The following THOC1 variants were observed in gnomAD, a reference collection of about 807,000 sequenced individuals.
THOC1 encodes THO complex 1.
THOC1 carries 29 observed loss-of-function variants against 97.3 expected under a neutral mutation model. That is an observed-to-expected ratio of 0.30 (90% CI 0.22 to 0.41). The LOEUF is 0.41. Ranked by LOEUF, THOC1 falls within the 10% of genes least tolerant of loss-of-function variation. The probability of loss-of-function intolerance (pLI) is 1.00; values close to 1 mark genes in which losing one functional copy is unlikely to be tolerated. For synonymous variants in THOC1, 255 were observed against 257.0 expected (o/e 0.99, Z 0.07); for missense variants, 529 against 761.9 (o/e 0.69, Z 3.60).
chr18:233,561 GCAA>G (rs1210231693), intron 11 of THOC1, among the ~76,000 whole-genome samples: 1 of 152,230 alleles, frequency 6.6e-6, no homozygotes, highest in Non-Finnish European at 1.5e-5. Context: ...ACTCGCCTGG[GCAA>G]CAAGAGTGAA....
At position 242,138 on chromosome 18, in the gene THOC1, C is replaced by T. The variant is rs770831215; in HGVS notation, c.918+4186G>A. Among the ~76,000 whole-genome samples the T allele has an allele frequency of 1.4e-4, 21 of 152,170 alleles. No homozygotes were observed. Among genetic ancestry groups the T allele is most frequent in the Non-Finnish European group, 2.9e-4 (20 of 68,036 alleles). On this transcript the variant is annotated intron_variant, in intron 11 of 20. Coordinates refer to ENST00000261600, the MANE Select transcript of THOC1 (RefSeq NM_005131.3). This position sits in a 1 kb window ranked among gnomAD's most constrained non-coding sequence, Gnocchi z 4.5. ...ACCCATTTTATTTGTAGAACCTCTA[C>T]CTACCTGTAGTTGCCACATGACTGG...
chr18:268,009 G>T lies in THOC1; in HGVS notation c.11C>A (p.Thr4Lys), dbSNP rs1228949025. 1 of 1,607,012 alleles carries T rather than the reference G, an allele frequency of 6.2e-7. No individual in the cohort carries two copies. Among genetic ancestry groups the T allele is most frequent in the South Asian group, 1.1e-5 (1 of 90,016 alleles). Residue 4 changes from threonine to lysine, a missense_variant, in exon 1 of 21, where the codon ACG (threonine) becomes AAG (lysine). Around this residue, in one of 8 missense-constraint regions of THOC1, gnomAD observed 114 missense variants for 97.4 expected, o/e 1.17. Transcript: ENST00000261600. MSP[T>K]PPLFSLPEAR... is the part of the protein sequence containing the mutation. ...TTCGGGCAAACTGAAGAGCGGCGGC[G>T]TCGGAGACATCTTCTCGGCTGCGCG... is the stretch of plus-strand genomic sequence containing the variant.
At chr18:250,194 G>A (rs963177011) in intron 9 of THOC1, among the ~76,000 whole-genome samples, 3 of 152,104 alleles carry the variant, frequency 2.0e-5, no homozygotes, top group African/African-American at 7.2e-5. Flanking sequence ...TTACAGTTGA[G>A]GCATTAATAT....
chr18:246,233 C>A, intron 11 of THOC1, 91 bp downstream of exon 11: 1 of 1,012,076 alleles, frequency 9.9e-7, no homozygotes. Flanking sequence ...AGAAACATTT[C>A]TATTCAGTTT....
At chr18:238,135 G>C (rs1911774629) in intron 11 of THOC1, among the ~76,000 whole-genome samples, 1 of 152,006 alleles carries the variant, frequency 6.6e-6, no homozygotes, top group Non-Finnish European at 1.5e-5. Context: ...CAAGGTGCTG[G>C]GATTACAGGT....
At chr18:214,942 AAATTATGCGC>A in intron 20 of THOC1, 21 bp from the exon 21 acceptor site, 1 of 1,610,020 alleles carries the variant, frequency 6.2e-7, no homozygotes, top group Non-Finnish European at 8.5e-7. Flanking sequence ...AAGAGAATAT[AAATTATGCGC>A]AATTCTAAGT....
chr18:234,675 C>T (rs1911610791), intron 11 of THOC1, among the ~76,000 whole-genome samples: 1 of 152,202 alleles, frequency 6.6e-6, no homozygotes, highest in Non-Finnish European at 1.5e-5. Context: ...AGCCAATACG[C>T]CCAGCCAATC....
rs747105570 is a variant in THOC1 at position 254,325 on chromosome 18, T to C, written c.551A>G (p.Glu184Gly). 1 of 1,579,486 alleles carries C rather than the reference T, an allele frequency of 6.3e-7. No homozygotes were observed. Among genetic ancestry groups the C allele is most frequent in the East Asian group, 2.3e-5 (1 of 43,674 alleles). The stretch of plus-strand genomic sequence containing the variant: ...ATTTGTATTGAAAACAGTGACATTT[T>C]CCAGATTAAACTGACTCTGCAAGTT... Reference protein sequence around the residue: ...GLNLQSQFNLENVTVFNTNEQ... With the variant: ...GLNLQSQFNLGNVTVFNTNEQ... The change falls in exon 8 of 21, where the codon GAA (glutamate) becomes GGA (glycine). Residue 184 changes from glutamate to glycine, a missense_variant. Transcript: ENST00000261600. The surrounding 1 kb of genome is among the most constrained non-coding windows in gnomAD (Gnocchi z 4.1).
At chr18:256,105 C>T (rs1016673133) in intron 7 of THOC1, among the ~76,000 whole-genome samples, 1 of 152,214 alleles carries the variant, frequency 6.6e-6, no homozygotes, top group African/African-American at 2.4e-5. Flanking sequence ...TTCATGCCTG[C>T]TAATACATCA....
At chr18:237,289 T>G (rs1342738970) in intron 11 of THOC1, among the ~76,000 whole-genome samples, 1 of 151,836 alleles carries the variant, frequency 6.6e-6, no homozygotes, top group Non-Finnish European at 1.5e-5. Flanking sequence ...CCTGAGCAGC[T>G]GGGACTACAG....
intron 11 of THOC1, among the ~76,000 whole-genome samples, chr18:238,609 T>C (rs1275168460): frequency 6.6e-6 from 1 of 152,224 alleles, no homozygotes; most frequent in Non-Finnish European, 1.5e-5. Flanking sequence ...TAAGGATTTG[T>C]GTATCTAAAC....
intron 9 of THOC1, among the ~76,000 whole-genome samples, chr18:248,448 C>T (rs1053821175): frequency 2.0e-5 from 3 of 152,164 alleles, no homozygotes; most frequent in African/African-American, 4.8e-5. Flanking sequence ...GCAATCTCAC[C>T]GAGCAGTGCT....
intron 17 of THOC1, among the ~76,000 whole-genome samples, chr18:219,534 C>T (rs1469878205): frequency 6.6e-6 from 1 of 152,108 alleles, no homozygotes; most frequent in Non-Finnish European, 1.5e-5. Context: ...ATTCTAATGG[C>T]CCCATACTTT....
At chr18:245,249 A>G (rs561604142) in intron 11 of THOC1, 5 of 152,254 alleles carry the variant, frequency 3.3e-5, no homozygotes, top group African/African-American at 1.2e-4. Context: ...ATTTTAATTT[A>G]TCAGAGTTTT....
At position 248,025 on chromosome 18, in the gene THOC1, C is replaced by G. The variant is rs1010563394; in HGVS notation, c.678-68G>C. 3.2e-5 allele frequency: 35 copies of G among 1,085,866 alleles called. 1 individual carries two copies. Among genetic ancestry groups the G allele is most frequent in the Middle Eastern group, 6.1e-4 (2 of 3,280 alleles). The allele number at this position is 1,085,866 out of a possible 1,614,324, so 67.3% of individuals were successfully genotyped here. A position where few individuals can be genotyped will look rare whatever the true frequency, so the allele number is the denominator to read the frequency against. On this transcript the variant is annotated intron_variant, in intron 9 of 20. Transcript: ENST00000261600. ...TTTACAAATATCTAAATATTCTTAA[C>G]TTAGCTTTGGTCACAAACCGTTTTC...
At chr18:240,920 G>C (rs1246744109) in intron 11 of THOC1, among the ~76,000 whole-genome samples, 1 of 152,176 alleles carries the variant, frequency 6.6e-6, no homozygotes, top group Non-Finnish European at 1.5e-5. Context: ...TCAGGCATTA[G>C]ATTCTCATAA....
chr18:258,521 T>C (rs940389967), intron 7 of THOC1, among the ~76,000 whole-genome samples: 1 of 152,158 alleles, frequency 6.6e-6, no homozygotes, highest in Non-Finnish European at 1.5e-5. Context: ...ACATATGCTA[T>C]AGGTCTTTCT....
chr18:229,455 G>A (rs1159983155), intron 11 of THOC1, among the ~76,000 whole-genome samples: 7 of 152,130 alleles, frequency 4.6e-5, no homozygotes, highest in Non-Finnish European at 7.4e-5. Flanking sequence ...GCTGAGGCGG[G>A]CGGATCACAA....
At chr18:260,102 T>C (rs1284394621) in intron 5 of THOC1, 84 bp downstream of exon 5, 5 of 886,094 alleles carry the variant, frequency 5.6e-6, no homozygotes, top group Non-Finnish European at 7.7e-6. Flanking sequence ...ATACTACAAA[T>C]AAATTTAAAA....
Sources: allele counts gnomAD v4.1 joint callset (sites outside exome capture counted in the v4.1 genomes callset), GRCh38; gene constraint gnomAD v4.1.1; regional missense constraint gnomAD v4.1.1; non-coding constraint Gnocchi (gnomAD v3.1); transcripts MANE v1.5; gene names NCBI Gene and HGNC (gene_info 2026-07-23, HGNC 2026-07-21).